Variants in FRMD3 observed in about 807,000 individuals in gnomAD.
The protein encoded by FRMD3 is FERM domain containing 3.
Under a neutral mutation model 70.2 loss-of-function variants are expected in FRMD3, and 33 were observed. The ratio of observed to expected loss-of-function variants is 0.47; its 90% CI spans 0.36 to 0.63. The LOEUF (loss-of-function observed/expected upper bound fraction) is 0.63, where lower values mean the gene tolerates loss of function less well. Ranked by LOEUF, FRMD3 falls within the 20% of genes least tolerant of loss-of-function variation. The pLI is 0.00. For synonymous variants in FRMD3, 279 were observed against 255.9 expected (o/e 1.09, Z -0.86); for missense variants, 632 against 711.4 (o/e 0.89, Z 1.27).
At chr9:83,296,094 C>T (rs1406774046) in intron 12 of FRMD3, among the ~76,000 whole-genome samples, 1 of 152,178 alleles carries the variant, frequency 6.6e-6, no homozygotes, top group East Asian at 1.9e-4. Context: ...TAGACTATCA[C>T]CTCTGAACGC....
At chr9:83,325,333 A>G (rs1835968958) in intron 6 of FRMD3, among the ~76,000 whole-genome samples, 1 of 152,052 alleles carries the variant, frequency 6.6e-6, no homozygotes, top group South Asian at 2.1e-4. Flanking sequence ...TATTTATTTA[A>G]TTCGTTTATT....
At chr9:83,259,649 G>A (rs1431029889) in intron 13 of FRMD3, among the ~76,000 whole-genome samples, 1 of 152,132 alleles carries the variant, frequency 6.6e-6, no homozygotes, top group Non-Finnish European at 1.5e-5. Context: ...ACCTCAGGAT[G>A]GTAGCGAGAA....
At chr9:83,313,161 C>G (rs552510946) in intron 7 of FRMD3, among the ~76,000 whole-genome samples, 32 of 152,178 alleles carry the variant, frequency 2.1e-4, no homozygotes, top group Non-Finnish European at 4.4e-4. Flanking sequence ...TTTAGTAGCT[C>G]TGGGGTGAGG....
chr9:83,310,661 G>T (rs1428713927), intron 8 of FRMD3, 113 bp from the exon 9 acceptor site: 1 of 744,404 alleles, frequency 1.3e-6, no homozygotes. Context: ...AGTGAAACAA[G>T]GTATTATCAT....
At chr9:83,294,101 T>C (rs1288016275) in intron 12 of FRMD3, among the ~76,000 whole-genome samples, 3 of 152,182 alleles carry the variant, frequency 2.0e-5, no homozygotes, top group Non-Finnish European at 4.4e-5. Context: ...AATGTAATGG[T>C]ATTAAGAGGT....
At chr9:83,527,005 C>G (rs1199808414) in intron 1 of FRMD3, among the ~76,000 whole-genome samples, 1 of 152,102 alleles carries the variant, frequency 6.6e-6, no homozygotes, top group African/African-American at 2.4e-5. Context: ...TTTGCATGGC[C>G]CTCCAGGGTC....
rs552489072 is a variant in FRMD3 at position 83,526,242 on chromosome 9, A to G, written c.147+11843T>C. Among the ~76,000 whole-genome samples the G allele has an allele frequency of 1.5e-3, 223 of 152,308 alleles. 2 individuals carry two copies. The highest frequency in any genetic ancestry group is 5.1e-3 in the African/African-American group (211 of 41,572). ...CCTGTACTTGGCGTAATGGTCTGCT[A>G]TCATCACTTTGAAATTCTTAATAAT... On this transcript the variant is annotated intron_variant, in intron 1 of 13. Coordinates refer to ENST00000304195, the MANE Select transcript of FRMD3 (RefSeq NM_174938.6).
At chr9:83,303,441 A>G (rs1835000725) in intron 10 of FRMD3, among the ~76,000 whole-genome samples, 1 of 152,186 alleles carries the variant, frequency 6.6e-6, no homozygotes, top group African/African-American at 2.4e-5. Context: ...TGGCTCTCAA[A>G]TTTTAGTGAG....
At chr9:83,340,812 T>C (rs1261454735) in intron 5 of FRMD3, among the ~76,000 whole-genome samples, 3 of 152,214 alleles carry the variant, frequency 2.0e-5, no homozygotes, top group African/African-American at 7.2e-5. Context: ...CCCAGGCTAG[T>C]ATCAAACTCC....
At chr9:83,360,421 A>G (rs1239307415) in intron 3 of FRMD3, among the ~76,000 whole-genome samples, 1 of 152,202 alleles carries the variant, frequency 6.6e-6, no homozygotes, top group African/African-American at 2.4e-5. Flanking sequence ...CTTGGCCCAC[A>G]CTTGAACCAC....
At chr9:83,292,278 C>T (rs538400989) in intron 12 of FRMD3, among the ~76,000 whole-genome samples, 1 of 151,672 alleles carries the variant, frequency 6.6e-6, no homozygotes, top group Non-Finnish European at 1.5e-5. Context: ...CCTGCCTCAG[C>T]CTCGCGAGTA....
At chr9:83,294,902 A>G (rs1038722847) in intron 12 of FRMD3, among the ~76,000 whole-genome samples, 1 of 152,198 alleles carries the variant, frequency 6.6e-6, no homozygotes. Context: ...CAGATGTCCC[A>G]GTCAGCTTCC....
intron 13 of FRMD3, chr9:83,267,266 T>G: frequency 6.7e-7 from 1 of 1,495,298 alleles, no homozygotes; most frequent in Non-Finnish European, 9.0e-7. Flanking sequence ...AGGTTCCTAA[T>G]GCGGCCAACA....
intron 3 of FRMD3, among the ~76,000 whole-genome samples, chr9:83,368,591 T>C (rs1049288892): frequency 2.0e-5 from 3 of 151,552 alleles, no homozygotes; most frequent in African/African-American, 7.3e-5. Flanking sequence ...AGTAACTGTG[T>C]AATTAATTAG....
intron 3 of FRMD3, among the ~76,000 whole-genome samples, chr9:83,368,410 C>T (rs1004998851): frequency 6.6e-6 from 1 of 152,100 alleles, no homozygotes; most frequent in Non-Finnish European, 1.5e-5. Flanking sequence ...CGGCTCACTG[C>T]AAGCTCCGCC....
intron 1 of FRMD3, among the ~76,000 whole-genome samples, chr9:83,489,203 G>A (rs1398186436): frequency 6.6e-6 from 1 of 152,048 alleles, no homozygotes; most frequent in African/African-American, 2.4e-5. Flanking sequence ...AAACATCAAA[G>A]ATTTATGGCT....
intron 1 of FRMD3, among the ~76,000 whole-genome samples, chr9:83,399,519 G>A (rs149616254): frequency 2.6e-5 from 4 of 151,794 alleles, no homozygotes; most frequent in African/African-American, 9.7e-5. Flanking sequence ...CCAGATTTTC[G>A]TGCCAGGTCC....
intron 6 of FRMD3, among the ~76,000 whole-genome samples, chr9:83,323,051 T>G (rs1835860987): frequency 1.3e-5 from 2 of 152,216 alleles, no homozygotes; most frequent in South Asian, 4.1e-4. Context: ...CTGGTGAGAA[T>G]GTACAGCACA....
At chr9:83,398,458 C>G (rs1035303265) in intron 1 of FRMD3, among the ~76,000 whole-genome samples, 1 of 152,132 alleles carries the variant, frequency 6.6e-6, no homozygotes, top group African/African-American at 2.4e-5. Flanking sequence ...GGTTCTCACA[C>G]AGAAATTAAA....
Sources: allele counts gnomAD v4.1 joint callset (sites outside exome capture counted in the v4.1 genomes callset), GRCh38; gene constraint gnomAD v4.1.1; transcripts MANE v1.5; gene names NCBI Gene and HGNC (gene_info 2026-07-23, HGNC 2026-07-21).